The following PRR5L variants were observed in gnomAD, a reference collection of about 807,000 sequenced individuals.
PRR5L encodes the protein proline-rich protein 5-like.
Under a neutral mutation model 36.4 loss-of-function variants are expected in PRR5L, and 21 were observed. The ratio of observed to expected loss-of-function variants is 0.58; its 90% CI spans 0.41 to 0.83. The LOEUF is 0.83. PRR5L is among the 40% of genes least tolerant of loss of function. PRR5L has a pLI of 0.00. For missense variants in PRR5L, 381 were observed against 473.3 expected (o/e 0.80, Z 1.81); for synonymous variants, 188 against 197.0 (o/e 0.95, Z 0.38).
intron 1 of PRR5L, among the ~76,000 whole-genome samples, chr11:36,372,021 G>A (rs1857202805): frequency 6.6e-6 from 1 of 152,120 alleles, no homozygotes; most frequent in Non-Finnish European, 1.5e-5. Context: ...TCGTGCCACT[G>A]CACTCCAGCC....
chr11:36,452,754 C>T (rs1237651041), intron 8 of PRR5L, among the ~76,000 whole-genome samples: 1 of 152,212 alleles, frequency 6.6e-6, no homozygotes, highest in African/African-American at 2.4e-5. Flanking sequence ...AGGAACGCTA[C>T]CATTGTTTGG....
rs1712979982 is a variant in PRR5L at position 36,400,666 on chromosome 11, C to T, written c.-125-331C>T. 2.0e-5 allele frequency among the ~76,000 whole-genome samples: 3 copies of T among 152,198 alleles called. No individual in the cohort carries two copies. In the South Asian group the frequency reaches 6.2e-4, roughly 32 times the overall value. Reference sequence around the variant, plus strand: ...TTTTAAAAATCCATCTCTTACTGCACAACATCGTGGGCCACAGGAACCCAG... The same window carrying T: ...TTTTAAAAATCCATCTCTTACTGCATAACATCGTGGGCCACAGGAACCCAG... On this transcript the variant is annotated intron_variant, in intron 1 of 8. Coordinates refer to ENST00000530639, the MANE Select transcript of PRR5L (RefSeq NM_001160167.2).
At chr11:36,395,587 T>C (rs535183151) in intron 1 of PRR5L, among the ~76,000 whole-genome samples, 3 of 152,310 alleles carry the variant, frequency 2.0e-5, no homozygotes, top group South Asian at 4.1e-4. Context: ...ATGTTTGTTA[T>C]AGAGTTATGT....
chr11:36,342,505 C>T (rs1856827209), intron 1 of PRR5L, among the ~76,000 whole-genome samples: 2 of 152,270 alleles, frequency 1.3e-5, no homozygotes, highest in South Asian at 4.2e-4. Context: ...GGGTGGTATT[C>T]CACACTGATC....
intron 1 of PRR5L, among the ~76,000 whole-genome samples, chr11:36,354,681 G>A (rs1308894292): frequency 6.6e-6 from 1 of 152,212 alleles, no homozygotes; most frequent in Non-Finnish European, 1.5e-5. Flanking sequence ...GACATTGGAT[G>A]ATGGGGATGA....
intron 8 of PRR5L, among the ~76,000 whole-genome samples, chr11:36,458,340 A>G (rs1859108779): frequency 6.6e-6 from 1 of 152,252 alleles, no homozygotes; most frequent in Non-Finnish European, 1.5e-5. Context: ...GCTGAGCCTC[A>G]GTCTTCCTCA....
Position 36,327,050 on chromosome 11 carries a change from C to T in PRR5L, c.-126+30612C>T, listed in dbSNP as rs1387072342. On this transcript the variant is annotated intron_variant, in intron 1 of 8. Coordinates refer to ENST00000530639, the MANE Select transcript of PRR5L (RefSeq NM_001160167.2). ...GGGCCATTGGACAAGCAGAATAATT[C>T]TTGTATACAGGTAGCTATTAATTTA... is the stretch of plus-strand genomic sequence containing the variant. Among the ~76,000 whole-genome samples the T allele has an allele frequency of 2.0e-5, 3 of 152,306 alleles. No homozygotes were observed. In the South Asian group the frequency reaches 6.2e-4, roughly 32 times the overall value.
At chr11:36,304,354 T>C (rs1360083526) in intron 1 of PRR5L, among the ~76,000 whole-genome samples, 1 of 152,258 alleles carries the variant, frequency 6.6e-6, no homozygotes, top group African/African-American at 2.4e-5. Context: ...AATACAGCCA[T>C]TCACCATATA....
At chr11:36,437,548 G>T in intron 6 of PRR5L, 72 bp downstream of exon 6, 1 of 895,574 alleles carries the variant, frequency 1.1e-6, no homozygotes, top group Non-Finnish European at 1.7e-6. Context: ...TGCGGCCTGA[G>T]GGCTCCTGGT....
chr11:36,404,255 C>T (rs746809709), intron 3 of PRR5L, among the ~76,000 whole-genome samples: 123 of 145,618 alleles, frequency 8.4e-4, no homozygotes, highest in Non-Finnish European at 1.5e-3. Flanking sequence ...GACAGGAGAT[C>T]GATCCATCAG....
chr11:36,418,597 C>A (rs1256252487), intron 3 of PRR5L, among the ~76,000 whole-genome samples: 1 of 152,002 alleles, frequency 6.6e-6, no homozygotes, highest in Middle Eastern at 3.2e-3. Flanking sequence ...GAGATCGAGA[C>A]CATCCTGGCT....
chr11:36,404,831 A>G (rs1240590277), intron 3 of PRR5L, among the ~76,000 whole-genome samples: 1 of 152,230 alleles, frequency 6.6e-6, no homozygotes, highest in Non-Finnish European at 1.5e-5. Context: ...GGAAAAAGAC[A>G]AAAGATATCT....
At chr11:36,391,995 C>T (rs1857572476) in intron 1 of PRR5L, among the ~76,000 whole-genome samples, 1 of 152,198 alleles carries the variant, frequency 6.6e-6, no homozygotes, top group South Asian at 2.1e-4. Context: ...CTCTAGTAAC[C>T]ATCATTTTCC....
intron 1 of PRR5L, among the ~76,000 whole-genome samples, chr11:36,303,348 C>A (rs1354287013): frequency 6.6e-6 from 1 of 152,186 alleles, no homozygotes; most frequent in Non-Finnish European, 1.5e-5. Context: ...AGCTCTGTGC[C>A]TTCTTGGCAG....
chr11:36,374,120 C>CTT (rs1565424876), intron 1 of PRR5L, among the ~76,000 whole-genome samples: 2 of 114,824 alleles, frequency 1.7e-5, no homozygotes, highest in Non-Finnish European at 3.8e-5. Flanking sequence ...CTCTCTCTCT[C>CTT]TCTTTCTTTC....
intron 6 of PRR5L, among the ~76,000 whole-genome samples, chr11:36,443,117 T>C (rs538816151): frequency 2.2e-4 from 33 of 152,356 alleles, no homozygotes; most frequent in Admixed American, 1.5e-3. Flanking sequence ...CTTACAGTCC[T>C]GCAGGCTGTA....
At chr11:36,441,005 T>G (rs1776799959) in intron 6 of PRR5L, among the ~76,000 whole-genome samples, 1 of 152,238 alleles carries the variant, frequency 6.6e-6, no homozygotes, top group Non-Finnish European at 1.5e-5. Context: ...TCTGTCCCTA[T>G]GACTCTACCT....
In PRR5L at chr11:36,296,917, A is replaced by AT. The variant is rs201474617; in HGVS notation, c.-126+488dup. 6.0e-3 allele frequency among the ~76,000 whole-genome samples: 912 copies of AT among 151,492 alleles called. 10 individuals are homozygous for AT. The highest frequency in any genetic ancestry group is 0.018 in the African/African-American group (759 of 41,286). ...TTCGTCATCATGCCCCTTGTAAAGC[A>AT]TTTTTTTTTACAACATCCTGCTAAT... is the stretch of plus-strand genomic sequence containing the variant. On this transcript the variant is annotated intron_variant, in intron 1 of 8. Transcript: ENST00000530639.
chr11:36,360,085 AC>A, intron 1 of PRR5L, among the ~76,000 whole-genome samples: 2 of 151,820 alleles, frequency 1.3e-5, no homozygotes, highest in Non-Finnish European at 2.9e-5. Flanking sequence ...CCACACACAC[AC>A]ACACACACAG....
Sources: allele counts gnomAD v4.1 joint callset (sites outside exome capture counted in the v4.1 genomes callset), GRCh38; gene constraint gnomAD v4.1.1; transcripts MANE v1.5; gene names NCBI Gene and HGNC (gene_info 2026-07-23, HGNC 2026-07-21).